Variants in WWTR1 observed in about 807,000 individuals in gnomAD.
WWTR1 encodes WW domain containing transcription regulator 1.
WWTR1 carries 13 observed loss-of-function variants against 40.1 expected under a neutral mutation model. That is an observed-to-expected ratio of 0.32 (90% confidence interval 0.21 to 0.52). WWTR1 has a LOEUF of 0.52. WWTR1 is among the 20% of genes least tolerant of loss of function. The probability of loss-of-function intolerance (pLI) is 0.97; values close to 1 mark genes in which losing one functional copy is unlikely to be tolerated. For synonymous variants in WWTR1, 230 were observed against 210.1 expected (o/e 1.09, Z -0.82); for missense variants, 436 against 523.1 (o/e 0.83, Z 1.63).
chr3:149,698,439 T>C (rs1442634154), intron 1 of WWTR1, among the ~76,000 whole-genome samples: 1 of 152,170 alleles, frequency 6.6e-6, no homozygotes. Context: ...GAACTGTGAG[T>C]CAATTAAACC....
At chr3:149,678,632 ATTTC>A (rs1714351528) in intron 1 of WWTR1, among the ~76,000 whole-genome samples, 1 of 152,046 alleles carries the variant, frequency 6.6e-6, no homozygotes, top group Non-Finnish European at 1.5e-5. Flanking sequence ...TACAGTATCA[ATTTC>A]TTTATGTACC....
intron 2 of WWTR1, among the ~76,000 whole-genome samples, chr3:149,646,331 A>G (rs112159185): frequency 2.6e-5 from 4 of 152,340 alleles, no homozygotes; most frequent in African/African-American, 7.2e-5. Flanking sequence ...TGGCTTATAC[A>G]TAGCTCACAC....
chr3:149,687,059 G>A (rs960787407), intron 1 of WWTR1, among the ~76,000 whole-genome samples: 4 of 152,116 alleles, frequency 2.6e-5, no homozygotes, highest in African/African-American at 9.7e-5. Context: ...TACTTTTATT[G>A]TTGCCTCTAG....
intron 2 of WWTR1, among the ~76,000 whole-genome samples, chr3:149,645,690 C>T (rs1219289257): frequency 6.6e-6 from 1 of 152,186 alleles, no homozygotes; most frequent in Non-Finnish European, 1.5e-5. Context: ...GATAGGTGCC[C>T]AGGTGCCCCT....
intron 4 of WWTR1, among the ~76,000 whole-genome samples, chr3:149,528,517 G>C (rs1455322313): frequency 6.6e-6 from 1 of 152,110 alleles, no homozygotes; most frequent in Non-Finnish European, 1.5e-5. Flanking sequence ...AGTGGCCAGG[G>C]GTGGTGGCTC....
chr3:149,643,708 A>G (rs1036076566), intron 2 of WWTR1, among the ~76,000 whole-genome samples: 3 of 152,286 alleles, frequency 2.0e-5, no homozygotes, highest in South Asian at 2.1e-4. Flanking sequence ...TATCATAAGA[A>G]TTAGTACCTC....
intron 1 of WWTR1, among the ~76,000 whole-genome samples, chr3:149,694,221 G>C (rs538184723): frequency 7.2e-5 from 11 of 152,092 alleles, no homozygotes; most frequent in South Asian, 2.1e-4. Flanking sequence ...GGGAAACCCC[G>C]TCTCTACTAA....
intron 2 of WWTR1, among the ~76,000 whole-genome samples, chr3:149,645,473 A>G (rs750857603): frequency 6.6e-6 from 1 of 152,172 alleles, no homozygotes; most frequent in Non-Finnish European, 1.5e-5. Flanking sequence ...CTCAGCCCCT[A>G]CTTTTCACTT....
intron 1 of WWTR1, among the ~76,000 whole-genome samples, chr3:149,691,942 G>A (rs1425287028): frequency 1.3e-5 from 2 of 152,130 alleles, no homozygotes; most frequent in African/African-American, 2.4e-5. Context: ...CGTGAACCTG[G>A]GAGGCAGAGC....
At chr3:149,574,549 A>C (rs1368527560) in intron 2 of WWTR1, among the ~76,000 whole-genome samples, 1 of 152,200 alleles carries the variant, frequency 6.6e-6, no homozygotes, top group East Asian at 1.9e-4. Flanking sequence ...CCTCCTTTGA[A>C]TCTTTAAGGT....
chr3:149,702,202 T>C (rs1353895745), intron 1 of WWTR1: 1 of 153,710 alleles, frequency 6.5e-6, no homozygotes, highest in East Asian at 1.8e-4. Flanking sequence ...ATTTGTATTA[T>C]AGAATGGAAA....
chr3:149,651,032 C>A (rs1044116232), intron 2 of WWTR1, among the ~76,000 whole-genome samples: 2 of 152,164 alleles, frequency 1.3e-5, no homozygotes, highest in African/African-American at 4.8e-5. Context: ...CTGAACATCT[C>A]CTGTGCGCCA....
chr3:149,572,986 A>T lies in WWTR1; in HGVS notation c.446T>A (p.Ile149Asn). The change falls in exon 3 of 7, where the codon ATC becomes AAC. Residue 149 changes from isoleucine to asparagine, a missense_variant. Coordinates refer to ENST00000360632, the MANE Select transcript of WWTR1 (RefSeq NM_015472.6). ...CTTCCTAGGGTCTTGCCATGTGGTGATTTTTTCTATGTGACTAAAAGAAGG... is the reference window on the plus strand; with the variant it reads ...CTTCCTAGGGTCTTGCCATGTGGTGTTTTTTTCTATGTGACTAAAAGAAGG... Reference protein sequence around the residue: ...QRYFLNHIEKITTWQDPRKAM... With the variant: ...QRYFLNHIEKNTTWQDPRKAM... 1 of 1,589,742 alleles carries T rather than the reference A, an allele frequency of 6.3e-7. No homozygotes were observed.
chr3:149,681,075 T>A (rs145170294), intron 1 of WWTR1, among the ~76,000 whole-genome samples: 2 of 152,314 alleles, frequency 1.3e-5, no homozygotes, highest in East Asian at 3.9e-4. Flanking sequence ...AATTGCTGGG[T>A]CAAAACAATT....
At chr3:149,607,619 G>A (rs186839513) in intron 2 of WWTR1, among the ~76,000 whole-genome samples, 7 of 152,218 alleles carry the variant, frequency 4.6e-5, no homozygotes, top group African/African-American at 9.6e-5. Context: ...CAGCCTTGAC[G>A]TAGTGATTTT....
chr3:149,651,743 G>T (rs930822658), intron 2 of WWTR1, among the ~76,000 whole-genome samples: 1 of 151,982 alleles, frequency 6.6e-6, no homozygotes, highest in Admixed American at 6.6e-5. Context: ...CAGACCCACA[G>T]TGCAAGTCTA....
chr3:149,571,220 T>C (rs1479147379), intron 3 of WWTR1, among the ~76,000 whole-genome samples: 19 of 117,952 alleles, frequency 1.6e-4, no homozygotes, highest in Admixed American at 2.7e-4. Flanking sequence ...TTTTCTTTTT[T>C]TTTTTTTTTT....
intron 2 of WWTR1, among the ~76,000 whole-genome samples, chr3:149,595,102 C>A (rs542313117): frequency 1.3e-5 from 2 of 151,672 alleles, no homozygotes; most frequent in South Asian, 2.1e-4. Context: ...GCTGGGACTA[C>A]AGGCATGCAC....
chr3:149,722,173 A>T (rs1301227807), intron 4 of WWTR1, among the ~76,000 whole-genome samples: 1 of 152,102 alleles, frequency 6.6e-6, no homozygotes, highest in Non-Finnish European at 1.5e-5. Context: ...CTTTTGGAAG[A>T]ACCATCTTCA....
Sources: gnomAD v4.1 joint callset for allele counts (sites outside exome capture counted in the v4.1 genomes callset) on GRCh38, gnomAD v4.1.1 for gene constraint, MANE v1.5 for transcripts, NCBI Gene and HGNC (gene_info 2026-07-23, HGNC 2026-07-21) for gene names.